Variants in ARHGEF11 observed in about 807,000 individuals in gnomAD.
ARHGEF11 encodes Rho guanine nucleotide exchange factor 11, also known as Rho guanine exchange factor (GEF) 11.
Under a neutral mutation model 193.7 loss-of-function variants are expected in ARHGEF11, and 55 were observed. The ratio of observed to expected loss-of-function variants is 0.28; its 90% confidence interval spans 0.23 to 0.36. The LOEUF (loss-of-function observed/expected upper bound fraction) is 0.36, where lower values mean the gene tolerates loss of function less well. Among genes scored for constraint, ARHGEF11 ranks in the 10% least tolerant of loss-of-function variants. ARHGEF11 has a pLI of 1.00. For synonymous variants in ARHGEF11, 693 were observed against 768.0 expected, an observed-to-expected ratio of 0.90 and a Z score of 1.62; for missense variants, 1,723 against 2,005.6, an observed-to-expected ratio of 0.86 and a Z score of 2.69.
chr1:156,947,214 T>A (rs1380178937), intron 26 of ARHGEF11, 90 bp downstream of exon 26: 1 of 1,530,472 alleles, frequency 6.5e-7, no homozygotes, highest in Non-Finnish European at 8.8e-7. Context: ...GGAGGTTACC[T>A]ACTCAGGGAG....
At chr1:156,978,978 G>A (rs963914677) in intron 5 of ARHGEF11, among the ~76,000 whole-genome samples, 2 of 152,238 alleles carry the variant, frequency 1.3e-5, no homozygotes, top group African/African-American at 4.8e-5. Flanking sequence ...CTAAATAGGT[G>A]TGGCAAAGAT....
intron 14 of ARHGEF11, among the ~76,000 whole-genome samples, chr1:156,960,829 C>G (rs1660721628): frequency 6.6e-6 from 1 of 152,178 alleles, no homozygotes; most frequent in Admixed American, 6.5e-5. Flanking sequence ...GACTTTCCCT[C>G]CCGCTCACTC....
At chr1:156,938,326 G>T in intron 38 of ARHGEF11, 92 bp downstream of exon 38, 2 of 1,198,636 alleles carry the variant, frequency 1.7e-6, no homozygotes, top group Non-Finnish European at 2.4e-6. Context: ...TTGTGGGTGT[G>T]TGTGTGACCA....
chr1:156,957,624 T>G (rs939040737), intron 18 of ARHGEF11, among the ~76,000 whole-genome samples, 168 bp downstream of exon 18: 55 of 152,182 alleles, frequency 3.6e-4, no homozygotes, highest in African/African-American at 1.2e-3. Context: ...ATCACCCCTA[T>G]GTTATGGTCA....
At chr1:156,966,868 T>C (rs16837864) in intron 11 of ARHGEF11, among the ~76,000 whole-genome samples, 3,055 of 152,300 alleles carry the variant, frequency 0.02, 56 homozygotes, top group South Asian at 0.055. Context: ...ATCTCTACTT[T>C]TTGAGCAAGT....
At chr1:157,029,789 A>G (rs1005822818) in intron 1 of ARHGEF11, among the ~76,000 whole-genome samples, 38 of 152,268 alleles carry the variant, frequency 2.5e-4, no homozygotes, top group African/African-American at 9.2e-4. Flanking sequence ...TAGTCTATCC[A>G]TACAGTGGAA....
At chr1:156,989,546 T>C (rs1665417490) in intron 1 of ARHGEF11, among the ~76,000 whole-genome samples, 1 of 152,204 alleles carries the variant, frequency 6.6e-6, no homozygotes. Context: ...CAAACGTCTT[T>C]TCAAATTCGT....
chr1:156,936,159 C>A, intron 40 of ARHGEF11, 101 bp from the exon 41 acceptor site: 1 of 1,196,352 alleles, frequency 8.4e-7, no homozygotes, highest in South Asian at 1.2e-5. Flanking sequence ...GATCCTTCAT[C>A]ACCTTCCTTC....
In ARHGEF11 at chr1:156,952,527, G is replaced by A. The variant is rs1255085551; in HGVS notation, c.1799-828C>T. ...GAAATGCTGGCTGCCTGAGACCAGC[G>A]GAAAGGACAAGGGGAAATGGGGAGG... is the stretch of plus-strand genomic sequence containing the variant. On this transcript the variant is annotated intron_variant, in intron 21 of 40. Transcript: ENST00000368194. Among the ~76,000 whole-genome samples the A allele has an allele frequency of 3.9e-5, 6 of 152,200 alleles. No homozygotes were observed. In the East Asian group the frequency reaches 7.7e-4, roughly 20 times the overall value.
chr1:157,020,357 G>T (rs1366870800), intron 1 of ARHGEF11, among the ~76,000 whole-genome samples: 2 of 152,072 alleles, frequency 1.3e-5, no homozygotes, highest in African/African-American at 4.8e-5. Context: ...ATTATTCTGG[G>T]TCCATATTAG....
intron 11 of ARHGEF11, among the ~76,000 whole-genome samples, chr1:156,967,520 GC>G (rs1416033323): frequency 6.6e-6 from 1 of 151,956 alleles, no homozygotes; most frequent in Non-Finnish European, 1.5e-5. Flanking sequence ...CCATGGAAGT[GC>G]CCTTGAGGGC....
chr1:157,000,154 C>G (rs1977687), intron 1 of ARHGEF11, among the ~76,000 whole-genome samples: 70,894 of 151,956 alleles, frequency 0.47, 17,337 homozygotes, highest in East Asian at 0.8. Flanking sequence ...GTAAAGATGG[C>G]GTTTTGCCAT....
In ARHGEF11 at chr1:156,952,977, G is replaced by C. The variant is rs968488533; in HGVS notation, c.1799-1278C>G. Reference sequence around the variant, plus strand: ...ACATCCTATAACTGAAAGCCGGCAGGCTGAGTCCACTCTTCCCTTTCCCAT... The same window carrying C: ...ACATCCTATAACTGAAAGCCGGCAGCCTGAGTCCACTCTTCCCTTTCCCAT... On this transcript the variant is annotated intron_variant, in intron 21 of 40. Transcript: ENST00000368194. Among the ~76,000 whole-genome samples, 7 of 152,360 alleles carry C rather than the reference G, an allele frequency of 4.6e-5. No homozygotes were observed. In the East Asian group the frequency reaches 9.6e-4, roughly 21 times the overall value.
At chr1:157,023,611 C>T (rs994419482) in intron 1 of ARHGEF11, among the ~76,000 whole-genome samples, 2 of 151,990 alleles carry the variant, frequency 1.3e-5, no homozygotes, top group African/African-American at 4.8e-5. Context: ...ACTAAAAATA[C>T]AAAAATTAGC....
chr1:157,033,347 C>G (rs1460482931), intron 1 of ARHGEF11, among the ~76,000 whole-genome samples: 1 of 152,130 alleles, frequency 6.6e-6, no homozygotes, highest in Non-Finnish European at 1.5e-5. Flanking sequence ...CCGCATACCC[C>G]CATATAATCA....
intron 11 of ARHGEF11, among the ~76,000 whole-genome samples, chr1:156,966,784 C>T (rs1052826047): frequency 6.6e-6 from 1 of 152,198 alleles, no homozygotes; most frequent in Non-Finnish European, 1.5e-5. Context: ...CAGAATTGCC[C>T]TCAAGCTTAA....
Position 156,986,169 on chromosome 1 carries a change from T to A in ARHGEF11, c.37A>T (p.Ser13Cys), listed in dbSNP as rs1664892051. 1.2e-6 allele frequency: 2 copies of A among 1,613,398 alleles called. No homozygotes were observed. Among genetic ancestry groups the A allele is most frequent in the African/African-American group, 2.7e-5 (2 of 74,904 alleles). ...VRLPQSIDRL[S>C]SLSSLGDSAP... Reference sequence around the variant, plus strand: ...GAATCTCCCAGAGAAGACAGGCTACTTAACCTGGAGAAGGAGTAAGGAAAG... The same window carrying A: ...GAATCTCCCAGAGAAGACAGGCTACATAACCTGGAGAAGGAGTAAGGAAAG... Residue 13 changes from serine to cysteine, a missense_variant, in exon 2 of 41, where the codon AGT becomes TGT. By Grantham distance (112) the Ser-to-Cys change is moderately radical (BLOSUM62 -1). This residue lies in a region of ARHGEF11 where 646 missense variants were observed against 710.7 expected (regional missense o/e 0.91). Transcript: ENST00000368194.
intron 1 of ARHGEF11, among the ~76,000 whole-genome samples, chr1:157,036,033 AT>A (rs1553236062): frequency 1.0e-5 from 1 of 96,326 alleles, no homozygotes; most frequent in Non-Finnish European, 2.2e-5. Flanking sequence ...ATATATAGGA[AT>A]ATATATATGA....
intron 37 of ARHGEF11, 113 bp downstream of exon 37, chr1:156,939,435 C>G: frequency 1.4e-6 from 2 of 1,479,568 alleles, no homozygotes; most frequent in African/African-American, 1.4e-5. Context: ...CAGCGTAGGT[C>G]TCTGCTCACA....
Sources: allele counts gnomAD v4.1 joint callset (sites outside exome capture counted in the v4.1 genomes callset), GRCh38; gene constraint gnomAD v4.1.1; regional missense constraint gnomAD v4.1.1; transcripts MANE v1.5; gene names NCBI Gene and HGNC (gene_info 2026-07-23, HGNC 2026-07-21).